B9D1: variants seen among roughly 807,000 people sequenced by gnomAD.
B9D1 encodes the protein B9 domain containing 1, also known as B9 domain-containing protein 1.
A neutral mutation model predicts 26.1 loss-of-function variants in B9D1; 20 were observed. The ratio of observed to expected loss-of-function variants is 0.77; its 90% CI spans 0.54 to 1.12. B9D1 has a LOEUF of 1.12. Ranked by LOEUF, B9D1 falls within the 50% of genes most tolerant of loss-of-function variation. B9D1 has a pLI of 0.00. For synonymous variants in B9D1, 105 were observed against 103.1 expected (o/e 1.02, Z -0.11); for missense variants, 260 against 273.7 (o/e 0.95, Z 0.35).
chr17:19,368,874 G>C (rs1911735424), intron 1 of B9D1, among the ~76,000 whole-genome samples: 1 of 152,148 alleles, frequency 6.6e-6, no homozygotes. Context: ...TTGAGCCAGG[G>C]TTTGAGGATG....
In B9D1 at chr17:19,357,784, G is replaced by A. The variant is rs1910542816; in HGVS notation, c.244+56C>T. 1.1e-5 allele frequency: 14 copies of A among 1,265,186 alleles called. 1 individual carries two copies. In the South Asian group the frequency reaches 1.5e-4, roughly 14 times the overall value. 78.4% of individuals were successfully genotyped at this position (1,265,186 alleles called of 1,614,324 possible). On this transcript the variant is annotated intron_variant, in intron 3 of 6. Transcript: ENST00000261499. ...GGCTGGATGAGGCAGAGGCTGTCTT[G>A]GGGGTGCTGTGTGAAAGCTCTGCCA...
chr17:19,365,213 C>T (rs759192723), upstream of B9D1, among the ~76,000 whole-genome samples: 2 of 152,242 alleles, frequency 1.3e-5, no homozygotes, highest in Non-Finnish European at 2.9e-5. The surrounding 1 kb of genome is among the most constrained non-coding windows in gnomAD (Gnocchi z 5.0). Context: ...CCAGAGCCCT[C>T]GGGCCCTGCT....
chr17:19,349,121 C>A (rs1241434451), intron 3 of B9D1, among the ~76,000 whole-genome samples: 1 of 152,230 alleles, frequency 6.6e-6, no homozygotes, highest in Admixed American at 6.5e-5. Context: ...ACTCCCCCAG[C>A]AGTGGTATCT....
At chr17:19,341,003 C>T (rs534918277), downstream of B9D1, 27 of 501,172 alleles carry the variant, frequency 5.4e-5, no homozygotes, top group Non-Finnish European at 7.8e-5. Flanking sequence ...TGTGAATATA[C>T]AAGTACGGAA....
chr17:19,347,635 C>T lies in B9D1; in HGVS notation c.341+149G>A. 3 of 815,188 alleles carry T rather than the reference C, an allele frequency of 3.7e-6. No homozygotes were observed. Among genetic ancestry groups the T allele is most frequent in the South Asian group, 1.5e-5 (1 of 67,940 alleles). The allele number at this position is 815,188 out of a possible 1,614,324, so 50.5% of individuals were successfully genotyped here. A position where few individuals can be genotyped will look rare whatever the true frequency, so the allele number is the denominator to read the frequency against. On this transcript the variant is annotated intron_variant, in intron 4 of 6. Transcript: ENST00000261499. This position sits in a 1 kb window ranked among gnomAD's most constrained non-coding sequence, Gnocchi z 4.3. ...ATCTGAAAGGTTCTCCTCCCAAATA[C>T]AGGCTACAACCCCCCTGGCCACCAG...
chr17:19,362,970 AGCAGC>A, upstream of B9D1: 1 of 305,168 alleles, frequency 3.3e-6, no homozygotes, highest in South Asian at 2.8e-5. Flanking sequence ...AGTCCTGGGG[AGCAGC>A]GCTCCGACTC....
upstream of B9D1, chr17:19,362,818 C>G (rs1911320644): frequency 1.6e-5 from 18 of 1,140,724 alleles, no homozygotes; most frequent in South Asian, 2.5e-4. Context: ...CAGGTATGAC[C>G]GAGAGCTGGG....
chr17:19,375,555 C>T (rs1007123196), intron 1 of B9D1, among the ~76,000 whole-genome samples: 3 of 152,060 alleles, frequency 2.0e-5, no homozygotes, highest in South Asian at 2.1e-4. Flanking sequence ...GTCAGGAGTT[C>T]GAAACCAGCC....
intron 5 of B9D1, chr17:19,344,489 CG>C (rs1437278734): frequency 1.4e-5 from 4 of 277,058 alleles, no homozygotes; most frequent in East Asian, 1.7e-4. Context: ...GCCAGGAGGC[CG>C]GGGGTGTCAG....
downstream of B9D1, chr17:19,337,759 A>G (rs751175363): frequency 2.6e-6 from 4 of 1,524,642 alleles, no homozygotes; most frequent in South Asian, 2.4e-5. Flanking sequence ...CTATGAAGGG[A>G]AAAATGGACA....
chr17:19,339,483 C>T (rs973268558), downstream of B9D1, among the ~76,000 whole-genome samples: 1 of 152,174 alleles, frequency 6.6e-6, no homozygotes, highest in African/African-American at 2.4e-5. Context: ...TTGCCTGCCA[C>T]GCAGCTGCTT....
intron 3 of B9D1, among the ~76,000 whole-genome samples, chr17:19,349,551 T>C (rs1206306764): frequency 4.0e-5 from 6 of 151,868 alleles, no homozygotes; most frequent in Non-Finnish European, 1.5e-5. Flanking sequence ...ATGCCTAATT[T>C]TTAAATTTTT....
chr17:19,344,182 G>A (rs1250352803), intron 5 of B9D1, among the ~76,000 whole-genome samples: 1 of 152,208 alleles, frequency 6.6e-6, no homozygotes, highest in Non-Finnish European at 1.5e-5. Flanking sequence ...ATTCTGGGGT[G>A]GGGGTGCTAC....
Position 19,347,264 on chromosome 17 carries a change from C to G in B9D1, c.404+5G>C, listed in dbSNP as rs767244331. On this transcript the variant is annotated splice_donor_5th_base_variant and intron_variant, in intron 5 of 6. Transcript: ENST00000261499. This position sits in a 1 kb window ranked among gnomAD's most constrained non-coding sequence, Gnocchi z 4.3. ...AGGGGCTGGGGTTATGGGTACAAAA[C>G]TCACCTTGTAAACTTCTGCAGTTTA... is the stretch of plus-strand genomic sequence containing the variant. The G allele has an allele frequency of 5.6e-6, 9 of 1,614,230 alleles. No individual in the cohort carries two copies. In the South Asian group the frequency reaches 9.9e-5, roughly 18 times the overall value.
chr17:19,364,160 C>T (rs896459815), upstream of B9D1, among the ~76,000 whole-genome samples: 2 of 152,202 alleles, frequency 1.3e-5, no homozygotes, highest in African/African-American at 2.4e-5. This position sits in a 1 kb window ranked among gnomAD's most constrained non-coding sequence, Gnocchi z 4.3. Context: ...TAACTGGGGG[C>T]TCCCAGTAGT....
At chr17:19,358,622 C>T (rs1249538007) in intron 2 of B9D1, among the ~76,000 whole-genome samples, 1 of 152,350 alleles carries the variant, frequency 6.6e-6, no homozygotes, top group East Asian at 1.9e-4. Context: ...GATACACTGT[C>T]TTCCCTTGGC....
intron 3 of B9D1, among the ~76,000 whole-genome samples, chr17:19,348,953 G>A (rs1455654220): frequency 9.9e-5 from 15 of 152,112 alleles, no homozygotes; most frequent in Non-Finnish European, 1.2e-4. Flanking sequence ...TCCTCTGGGG[G>A]CCACGCACCC....
At chr17:19,340,476 T>C (rs1222685942), downstream of B9D1, among the ~76,000 whole-genome samples, 2 of 149,340 alleles carry the variant, frequency 1.3e-5, no homozygotes, top group Non-Finnish European at 3.0e-5. Context: ...CCGGCCTGGT[T>C]GTGCATTCTT....
chr17:19,374,024 C>T (rs1161353458), intron 1 of B9D1, among the ~76,000 whole-genome samples: 2 of 152,222 alleles, frequency 1.3e-5, no homozygotes, highest in East Asian at 1.9e-4. Flanking sequence ...TGTGGCCATG[C>T]AGGAAACGTG....
Sources: gnomAD v4.1 joint callset for allele counts (sites outside exome capture counted in the v4.1 genomes callset) on GRCh38, gnomAD v4.1.1 for gene constraint, Gnocchi (gnomAD v3.1) non-coding constraint, MANE v1.5 for transcripts, NCBI Gene and HGNC (gene_info 2026-07-23, HGNC 2026-07-21) for gene names.